Variants in GRM4 observed in about 807,000 individuals in gnomAD.
GRM4 encodes metabotropic glutamate receptor 4.
GRM4 carries 28 observed loss-of-function variants against 81.7 expected under a neutral mutation model. The observed-to-expected ratio is 0.34, with a 90% CI of 0.25 to 0.47. GRM4 has a LOEUF of 0.47. Among genes scored for constraint, GRM4 ranks in the 20% least tolerant of loss-of-function variants. GRM4 has a pLI of 1.00. For missense variants in GRM4, 948 were observed against 1,290.0 expected (o/e 0.73, Z 4.06); for synonymous variants, 488 against 528.8 (o/e 0.92, Z 1.06).
In GRM4 at chr6:34,078,262, C is replaced by A. The variant is rs917060638; in HGVS notation, c.736+13621G>T. 4.0e-5 allele frequency among the ~76,000 whole-genome samples: 6 copies of A among 150,002 alleles called. No individual in the cohort carries two copies. Among genetic ancestry groups the A allele is most frequent in the African/African-American group, 1.5e-4 (6 of 39,558 alleles). ...GTCTTCCCCTACTCTCTCCTGCCCA[C>A]CTTCTGCTTCTTCTCTGTCTCCCCC... On this transcript the variant is annotated intron_variant, in intron 3 of 10. Coordinates refer to ENST00000538487, the MANE Select transcript of GRM4 (RefSeq NM_000841.4). This position sits in a 1 kb window ranked among gnomAD's most constrained non-coding sequence, Gnocchi z 4.8.
Position 34,125,195 on chromosome 6 carries a change from G to A in GRM4, c.519+7783C>T, listed in dbSNP as rs190563566. Among the ~76,000 whole-genome samples the A allele has an allele frequency of 6.0e-3, 917 of 152,208 alleles. 8 individuals carry two copies. Among genetic ancestry groups the A allele is most frequent in the African/African-American group, 0.021 (870 of 41,532 alleles). On this transcript the variant is annotated intron_variant, in intron 2 of 10. Transcript: ENST00000538487. The stretch of plus-strand genomic sequence containing the variant: ...TCACCGTGTTCACCAGGATGGTCTC[G>A]ATCTCCTGACCTCGTGATCCGCCCG...
intron 2 of GRM4, among the ~76,000 whole-genome samples, chr6:34,105,566 G>T (rs908452941): frequency 1.3e-5 from 2 of 152,008 alleles, no homozygotes; most frequent in Non-Finnish European, 2.9e-5. Context: ...GACCCTGGTG[G>T]TCCCCAGGGC....
chr6:34,155,025 A>C, intron 1 of GRM4: 2 of 1,372,728 alleles, frequency 1.5e-6, no homozygotes, highest in Non-Finnish European at 2.0e-6. Flanking sequence ...AGTGCTGGGC[A>C]CCTCCCCGTC....
At chr6:34,099,568 G>A (rs1180885024) in intron 2 of GRM4, among the ~76,000 whole-genome samples, 1 of 152,230 alleles carries the variant, frequency 6.6e-6, no homozygotes, top group East Asian at 1.9e-4. Flanking sequence ...ACATAGAGAG[G>A]ATGCCAGCAG....
At chr6:34,098,753 CAGAG>C (rs1768671456) in intron 2 of GRM4, among the ~76,000 whole-genome samples, 1 of 152,250 alleles carries the variant, frequency 6.6e-6, no homozygotes, top group Non-Finnish European at 1.5e-5. Context: ...ATGTGTGGTT[CAGAG>C]AAAGAGGAGG....
chr6:34,120,377 A>G (rs73415018), intron 2 of GRM4, among the ~76,000 whole-genome samples: 2,308 of 152,230 alleles, frequency 0.015, 39 homozygotes, highest in African/African-American at 0.044. Context: ...GAGGGAGGCA[A>G]GGAAGGCAGG....
rs544996177 is a variant in GRM4 at position 34,136,524 on chromosome 6, C to G, written c.-363-2665G>C. 2.1e-3 allele frequency among the ~76,000 whole-genome samples: 317 copies of G among 150,242 alleles called. No individual in the cohort carries two copies. Among genetic ancestry groups the G allele is most frequent in the African/African-American group, 7.5e-3 (304 of 40,782 alleles). On this transcript the variant is annotated intron_variant, in intron 1 of 10. Transcript: ENST00000538487. The surrounding 1 kb of genome is among the most constrained non-coding windows in gnomAD (Gnocchi z 4.1). ...GCTCACACTGGCTTCTCCTTGAGGC[C>G]GGAGCACGTCTGGGCTGAGCAGTGC...
Position 34,115,292 on chromosome 6 carries a change from G to A in GRM4, c.519+17686C>T, listed in dbSNP as rs374729285. On this transcript the variant is annotated intron_variant, in intron 2 of 10. Transcript: ENST00000538487. The surrounding 1 kb of genome is among the most constrained non-coding windows in gnomAD (Gnocchi z 4.1). ...TGCGTGTGGCCACCCCCGTGGGTGAGGACAGCAGGCACAACACAGCCACTG... is the reference window on the plus strand; with the variant it reads ...TGCGTGTGGCCACCCCCGTGGGTGAAGACAGCAGGCACAACACAGCCACTG... 1.6e-4 allele frequency among the ~76,000 whole-genome samples: 24 copies of A among 152,366 alleles called. No homozygotes were observed. In the South Asian group the frequency reaches 2.5e-3, roughly 16 times the overall value.
At chr6:34,132,348 T>A (rs1248959592) in intron 2 of GRM4, among the ~76,000 whole-genome samples, 1 of 152,124 alleles carries the variant, frequency 6.6e-6, no homozygotes, top group Admixed American at 6.5e-5. Context: ...CTCTGCAGGC[T>A]CAGCAGCCCC....
chr6:34,085,260 T>C (rs1315625305), intron 3 of GRM4, among the ~76,000 whole-genome samples: 1 of 152,164 alleles, frequency 6.6e-6, no homozygotes, highest in Non-Finnish European at 1.5e-5. Flanking sequence ...CTGAGCCTCT[T>C]TCCCTTCCTG....
rs75362579 is a variant in GRM4 at position 34,022,625 on chromosome 6, C to T, written c.*196G>A. 6,939 of 604,768 alleles carry T rather than the reference C, an allele frequency of 0.011. 113 individuals carry two copies. Among genetic ancestry groups the T allele is most frequent in the African/African-American group, 0.054 (2,930 of 54,250 alleles). 37.5% of individuals were successfully genotyped at this position (604,768 alleles called of 1,614,324 possible). A position where few individuals can be genotyped will look rare whatever the true frequency, so the allele number is the denominator to read the frequency against. On this transcript the variant is annotated 3_prime_UTR_variant, in exon 11 of 11. Transcript: ENST00000538487. This position sits in a 1 kb window ranked among gnomAD's most constrained non-coding sequence, Gnocchi z 5.6. ...GTAGCCTGGCACCGCCCCGGCCCCT[C>T]GTCCTCCTGTTGCTCACCCGGTTTG...
intron 2 of GRM4, among the ~76,000 whole-genome samples, chr6:34,100,285 C>T (rs1046931949): frequency 1.3e-5 from 2 of 152,234 alleles, no homozygotes; most frequent in Non-Finnish European, 2.9e-5. Context: ...GATGGACCTC[C>T]CCTCTGCCCA....
rs71000021 is a variant in GRM4 at position 34,069,167 on chromosome 6, T to TACACACACACACACACACACACACAC, written c.737-7165_737-7140dup. Among the ~76,000 whole-genome samples the TACACACACACACACACACACACACAC allele has an allele frequency of 7.4e-6, 1 of 134,606 alleles. No individual in the cohort carries two copies. Among genetic ancestry groups the TACACACACACACACACACACACACAC allele is most frequent in the African/African-American group, 3.0e-5 (1 of 33,712 alleles). 88.3% of individuals were successfully genotyped at this position (134,606 alleles called of 152,430 possible). ...CTACCCCTGGACCCTCATGGGCGTA[T>TACACACACACACACACACACACACAC]ACACACACACACACACACACACACA... On this transcript the variant is annotated intron_variant, in intron 3 of 10. Transcript: ENST00000538487. The surrounding 1 kb of genome is among the most constrained non-coding windows in gnomAD (Gnocchi z 6.4).
At chr6:34,149,406 C>T (rs1050895067), upstream of GRM4, among the ~76,000 whole-genome samples, 9 of 152,246 alleles carry the variant, frequency 5.9e-5, no homozygotes, top group Non-Finnish European at 1.3e-4. Flanking sequence ...TAAACAATAA[C>T]TGTCCCCTGG....
At chr6:34,106,797 C>T (rs1769150061) in intron 2 of GRM4, among the ~76,000 whole-genome samples, 1 of 152,272 alleles carries the variant, frequency 6.6e-6, no homozygotes, top group Non-Finnish European at 1.5e-5. Flanking sequence ...GCCTGGCACC[C>T]ACACTGTCAT....
intron 2 of GRM4, among the ~76,000 whole-genome samples, chr6:34,116,675 A>C (rs1370641927): frequency 1.3e-5 from 2 of 152,228 alleles, no homozygotes; most frequent in Non-Finnish European, 2.9e-5. Context: ...TATATATGAG[A>C]AACGAGCGTT....
At position 34,074,884 on chromosome 6, in the gene GRM4, C is replaced by T. The variant is rs1767234310; in HGVS notation, c.737-12856G>A. Among the ~76,000 whole-genome samples, 1 of 152,254 alleles carries T rather than the reference C, an allele frequency of 6.6e-6. No individual in the cohort carries two copies. The highest frequency in any genetic ancestry group is 2.1e-4 in the South Asian group (1 of 4,828). ...ACCAAAAGCCCCCCAGAGGTCCCTA[C>T]CCCAGGTCAACCCACCCAGGCCCTA... On this transcript the variant is annotated intron_variant, in intron 3 of 10. Transcript: ENST00000538487. The surrounding 1 kb of genome is among the most constrained non-coding windows in gnomAD (Gnocchi z 4.9).
chr6:34,085,086 G>A (rs1210282611), intron 3 of GRM4, among the ~76,000 whole-genome samples: 3 of 152,184 alleles, frequency 2.0e-5, no homozygotes, highest in African/African-American at 7.2e-5. Flanking sequence ...GGCTGGGAAC[G>A]TGCCCAGGGA....
At chr6:34,079,490 GAATTT>G (rs1027415442) in intron 3 of GRM4, among the ~76,000 whole-genome samples, 19 of 152,184 alleles carry the variant, frequency 1.2e-4, no homozygotes, top group African/African-American at 4.6e-4. Context: ...GTCCCAAAAA[GAATTT>G]GCAGCAGTGC....
Sources: gnomAD v4.1 joint callset for allele counts (sites outside exome capture counted in the v4.1 genomes callset) on GRCh38, gnomAD v4.1.1 for gene constraint, Gnocchi (gnomAD v3.1) non-coding constraint, MANE v1.5 for transcripts, NCBI Gene and HGNC (gene_info 2026-07-23, HGNC 2026-07-21) for gene names.